The following KCNQ5 variants were observed in gnomAD, a reference collection of about 807,000 sequenced individuals.
KCNQ5 encodes the protein potassium voltage-gated channel subfamily KQT member 5.
KCNQ5 carries 30 observed loss-of-function variants against 98.2 expected under a neutral mutation model. The ratio of observed to expected loss-of-function variants is 0.31; its 90% confidence interval spans 0.23 to 0.41. KCNQ5 has a LOEUF of 0.41. Among genes scored for constraint, KCNQ5 ranks in the 10% least tolerant of loss-of-function variants. The pLI is 1.00. For missense variants in KCNQ5, 835 were observed against 1,182.5 expected (o/e 0.71, Z 4.31); for synonymous variants, 458 against 449.4 (o/e 1.02, Z -0.24).
rs1442859779 is a variant in KCNQ5, at chr6:72,636,686, T to C, written c.398+14099T>C. 3.9e-5 allele frequency among the ~76,000 whole-genome samples: 6 copies of C among 152,192 alleles called. No homozygotes were observed. In the South Asian group the frequency reaches 6.2e-4, roughly 16 times the overall value. On this transcript the variant is annotated intron_variant, in intron 1 of 13. Coordinates refer to ENST00000370398, the MANE Select transcript of KCNQ5 (RefSeq NM_019842.4). The stretch of plus-strand genomic sequence containing the variant: ...TCAATGTTTGTTTAATAACCTGACC[T>C]CTTGCTAAGTGTAAGACCCTAGAGT...
At chr6:72,765,979 T>C (rs1310197274) in intron 1 of KCNQ5, among the ~76,000 whole-genome samples, 3 of 152,024 alleles carry the variant, frequency 2.0e-5, no homozygotes, top group Non-Finnish European at 4.4e-5. Flanking sequence ...TGCCAAGTCC[T>C]CTCTAGATAT....
chr6:72,835,584 G>A (rs564636542), intron 1 of KCNQ5, among the ~76,000 whole-genome samples: 221 of 152,104 alleles, frequency 1.5e-3, no homozygotes, highest in African/African-American at 5.3e-3. Context: ...TATAATACAT[G>A]GAGTGAATTA....
At chr6:72,843,456 G>A (rs1028569919) in intron 1 of KCNQ5, among the ~76,000 whole-genome samples, 7 of 152,264 alleles carry the variant, frequency 4.6e-5, no homozygotes, top group African/African-American at 1.7e-4. Context: ...GGATTGTCTT[G>A]GCTATATGGG....
chr6:72,920,707 T>C (rs1780353747), intron 1 of KCNQ5, among the ~76,000 whole-genome samples: 1 of 152,254 alleles, frequency 6.6e-6, no homozygotes, highest in Non-Finnish European at 1.5e-5. Context: ...ATATTTTTCT[T>C]ACTAAATACC....
intron 1 of KCNQ5, among the ~76,000 whole-genome samples, chr6:72,837,726 T>A (rs1387576672): frequency 6.6e-6 from 1 of 152,152 alleles, no homozygotes; most frequent in Non-Finnish European, 1.5e-5. Context: ...AGAGAAGTCA[T>A]GTTATATGTT....
At chr6:72,875,045 A>T (rs561236398) in intron 1 of KCNQ5, among the ~76,000 whole-genome samples, 1 of 152,278 alleles carries the variant, frequency 6.6e-6, no homozygotes, top group South Asian at 2.1e-4. Context: ...AAACTGGTGG[A>T]CTATATTTGT....
At chr6:72,892,319 C>T (rs1779088643) in intron 1 of KCNQ5, among the ~76,000 whole-genome samples, 1 of 152,176 alleles carries the variant, frequency 6.6e-6, no homozygotes, top group South Asian at 2.1e-4. Context: ...TCTTAGACTG[C>T]TCTAGTAGAT....
intron 1 of KCNQ5, among the ~76,000 whole-genome samples, chr6:72,799,135 T>C (rs768196108): frequency 8.5e-5 from 13 of 152,108 alleles, no homozygotes; most frequent in Non-Finnish European, 1.8e-4. Context: ...TCAAGGAATT[T>C]GCTTGCTTAC....
chr6:72,698,098 A>G (rs943793564), intron 1 of KCNQ5, among the ~76,000 whole-genome samples: 1 of 152,210 alleles, frequency 6.6e-6, no homozygotes, highest in African/African-American at 2.4e-5. Context: ...TGATGTTTGT[A>G]ATTGATTTCT....
intron 11 of KCNQ5, among the ~76,000 whole-genome samples, chr6:73,179,824 C>T (rs117271662): frequency 2.7e-3 from 412 of 152,328 alleles, no homozygotes; most frequent in Non-Finnish European, 4.5e-3. Context: ...CCCATATCAA[C>T]CTGGGCTTCC....
intron 10 of KCNQ5, among the ~76,000 whole-genome samples, chr6:73,163,435 A>G (rs1444992441): frequency 6.6e-6 from 1 of 152,110 alleles, no homozygotes; most frequent in Non-Finnish European, 1.5e-5. Context: ...ATCTGGTAGT[A>G]AAATGAGTTT....
rs184163841 is a variant in KCNQ5 at position 73,050,322 on chromosome 6, G to A, written c.616+8260G>A. The stretch of plus-strand genomic sequence containing the variant: ...AGGAAGGAAGGAAGGGAGGGAAGAA[G>A]GAAGGAAGGGAGGGAGGGAAGGAGG... On this transcript the variant is annotated intron_variant, in intron 3 of 13. Coordinates refer to ENST00000370398, the MANE Select transcript of KCNQ5 (RefSeq NM_019842.4). 1.9e-3 allele frequency among the ~76,000 whole-genome samples: 264 copies of A among 140,900 alleles called. 4 individuals are homozygous for A. In the East Asian group the frequency reaches 0.047, roughly 25 times the overall value. 92.4% of individuals were successfully genotyped at this position (140,900 alleles called of 152,430 possible).
intron 3 of KCNQ5, among the ~76,000 whole-genome samples, chr6:73,042,789 G>A (rs1771771688): frequency 6.6e-6 from 1 of 152,070 alleles, no homozygotes; most frequent in Non-Finnish European, 1.5e-5. Context: ...GAGCATTCTG[G>A]AATTAAGATC....
chr6:72,994,720 T>G (rs1167503433), intron 1 of KCNQ5, among the ~76,000 whole-genome samples: 1 of 152,226 alleles, frequency 6.6e-6, no homozygotes, highest in African/African-American at 2.4e-5. Context: ...AAAGGGATTT[T>G]TAAAAATATG....
intron 1 of KCNQ5, among the ~76,000 whole-genome samples, chr6:72,922,168 C>G (rs990369620): frequency 1.3e-5 from 2 of 152,084 alleles, no homozygotes; most frequent in Non-Finnish European, 2.9e-5. Context: ...AAACATATAC[C>G]AAACACTCAG....
chr6:72,742,632 T>TA (rs967469838), intron 1 of KCNQ5, among the ~76,000 whole-genome samples: 55 of 152,320 alleles, frequency 3.6e-4, no homozygotes, highest in African/African-American at 1.3e-3. Context: ...ACTCTTTATA[T>TA]AAAATGCAAT....
Position 72,997,889 on chromosome 6 carries a change from G to A in KCNQ5, c.399-6019G>A, listed in dbSNP as rs1238573170. On this transcript the variant is annotated intron_variant, in intron 1 of 13. Coordinates refer to ENST00000370398, the MANE Select transcript of KCNQ5 (RefSeq NM_019842.4). ...TAAGGTTCATTGCACTTGAAAAGCA[G>A]AATCGTGCAGTGTTCTAATCAATTA... 4.9e-4 allele frequency among the ~76,000 whole-genome samples: 73 copies of A among 150,352 alleles called. 1 individual carries two copies. The highest frequency in any genetic ancestry group is 1.5e-4 in the Non-Finnish European group (10 of 67,838).
At chr6:73,005,021 A>G (rs969313911) in intron 2 of KCNQ5, among the ~76,000 whole-genome samples, 2 of 152,244 alleles carry the variant, frequency 1.3e-5, no homozygotes, top group Non-Finnish European at 2.9e-5. Flanking sequence ...CTTTGCTTTC[A>G]GATGGCTAGT....
intron 1 of KCNQ5, among the ~76,000 whole-genome samples, chr6:72,911,728 G>C (rs1423485960): frequency 1.3e-5 from 2 of 152,142 alleles, no homozygotes; most frequent in Non-Finnish European, 2.9e-5. Context: ...TGTGCATTAG[G>C]ATTAAGTGTT....
Sources: allele counts gnomAD v4.1 joint callset (sites outside exome capture counted in the v4.1 genomes callset), GRCh38; gene constraint gnomAD v4.1.1; transcripts MANE v1.5; gene names NCBI Gene and HGNC (gene_info 2026-07-23, HGNC 2026-07-21).